MON1A: variants seen among roughly 807,000 people sequenced by gnomAD.
The protein encoded by MON1A is MON1 vesicular trafficking associated A, also known as vacuolar fusion protein MON1 homolog A.
Under a neutral mutation model 44.6 loss-of-function variants are expected in MON1A, and 29 were observed. The observed-to-expected ratio is 0.65, with a 90% confidence interval of 0.48 to 0.89. The LOEUF is 0.89. Among genes scored for constraint, MON1A ranks in the 40% least tolerant of loss-of-function variants. The pLI, the probability that MON1A is intolerant of heterozygous loss-of-function variation, is 0.00. For missense variants in MON1A, 615 were observed against 759.6 expected (o/e 0.81, Z 2.24); for synonymous variants, 275 against 316.4 (o/e 0.87, Z 1.39).
chr3:49,922,146 AAAAAG>A (rs1232188757), intron 1 of MON1A, among the ~76,000 whole-genome samples: 51 of 148,702 alleles, frequency 3.4e-4, no homozygotes, highest in East Asian at 1.2e-3. Context: ...TCAAAAAAAA[AAAAAG>A]AAAGAAAGAA....
At chr3:49,918,417 CT>C (rs530137835) in intron 1 of MON1A, among the ~76,000 whole-genome samples, 3,053 of 145,464 alleles carry the variant, frequency 0.021, 47 homozygotes, top group Non-Finnish European at 0.033. Context: ...GGCCTTCCCT[CT>C]TTTTTTTTTT....
Position 49,910,490 on chromosome 3 carries a change from C to A in MON1A, c.1008G>T (p.Lys336Asn). 1 of 1,614,090 alleles carries A rather than the reference C, an allele frequency of 6.2e-7. No homozygotes were observed. Among genetic ancestry groups the A allele is most frequent in the Non-Finnish European group, 8.5e-7 (1 of 1,179,964 alleles). Residue 336 changes from lysine to asparagine, a missense_variant, in exon 4 of 6, where the codon AAG becomes AAT. Coordinates refer to ENST00000296473, the MANE Select transcript of MON1A (RefSeq NM_032355.4). The surrounding 1 kb of genome is among the most constrained non-coding windows in gnomAD (Gnocchi z 8.0). The part of the protein sequence containing the change: ...RNQLVALVRR[K>N]DQFLHPIDLH... ...GGTCGATGGGGTGCAGAAATTGGTC[C>A]TTTCGGCGCACGAGTGCCACGAGCT...
chr3:49,912,387 C>A (rs1050780290), intron 2 of MON1A: 7 of 194,980 alleles, frequency 3.6e-5, no homozygotes, highest in Non-Finnish European at 6.2e-5. Flanking sequence ...TCAGCTGTCT[C>A]CTACCTCCCC....
At chr3:49,926,538 C>G (rs1479889702) in intron 1 of MON1A, among the ~76,000 whole-genome samples, 1 of 152,034 alleles carries the variant, frequency 6.6e-6, no homozygotes, top group Admixed American at 6.6e-5. Context: ...CTAACTGTAG[C>G]CCTGGCCTCT....
rs747631818 is a variant in MON1A at position 49,910,594 on chromosome 3, C to A, written c.904G>T (p.Val302Leu). 1 of 1,603,276 alleles carries A rather than the reference C, an allele frequency of 6.2e-7. No individual in the cohort carries two copies. Among genetic ancestry groups the A allele is most frequent in the East Asian group, 2.3e-5 (1 of 44,370 alleles). The stretch of plus-strand genomic sequence containing the variant: ...AGGCTGGCGCTCACAGTGTCGCGCA[C>A]GGCCGCCGCCAGGGGCAGGCACCGT... The part of the protein sequence containing the change: ...AARCLPLAAA[V>L]RDTVSASLQQ... Residue 302 changes from valine to leucine, a missense_variant, in exon 4 of 6, where the codon GTG becomes TTG. Coordinates refer to ENST00000296473, the MANE Select transcript of MON1A (RefSeq NM_032355.4). The surrounding 1 kb of genome is among the most constrained non-coding windows in gnomAD (Gnocchi z 8.0).
chr3:49,919,765 G>A (rs1310581123), intron 1 of MON1A, among the ~76,000 whole-genome samples: 1 of 152,144 alleles, frequency 6.6e-6, no homozygotes, highest in Non-Finnish European at 1.5e-5. Flanking sequence ...GTACAGGCAT[G>A]AGCCACCGCA....
chr3:49,914,763 G>A (rs1003213855), intron 1 of MON1A, among the ~76,000 whole-genome samples: 8 of 149,376 alleles, frequency 5.4e-5, no homozygotes, highest in African/African-American at 2.0e-4. Context: ...GGCTAGGTTG[G>A]TCTTGAACTC....
Position 49,908,971 on chromosome 3 carries a change from A to T in MON1A, c.*43T>A, listed in dbSNP as rs752328475. 2 of 1,563,044 alleles carry T rather than the reference A, an allele frequency of 1.3e-6. No individual in the cohort carries two copies. Among genetic ancestry groups the T allele is most frequent in the South Asian group, 2.4e-5 (2 of 84,530 alleles). On this transcript the variant is annotated 3_prime_UTR_variant, in exon 6 of 6. Coordinates refer to ENST00000296473, the MANE Select transcript of MON1A (RefSeq NM_032355.4). ...CATCTGGAGGCTCCTATGGCTTCCC[A>T]CACCTAGTGTGTCCAGGAAGGCTGA...
At chr3:49,919,747 T>C (rs1286515802) in intron 1 of MON1A, among the ~76,000 whole-genome samples, 2 of 152,092 alleles carry the variant, frequency 1.3e-5, no homozygotes, top group African/African-American at 4.8e-5. Flanking sequence ...GGATCCAAAG[T>C]GCTGGGAGTA....
chr3:49,913,993 AG>A (rs1334059033), intron 1 of MON1A, among the ~76,000 whole-genome samples: 1 of 151,758 alleles, frequency 6.6e-6, no homozygotes, highest in Non-Finnish European at 1.5e-5. Context: ...GCACCAACAC[AG>A]CTCACTGCAG....
At chr3:49,924,310 C>T (rs1169511123) in intron 1 of MON1A, among the ~76,000 whole-genome samples, 1 of 152,182 alleles carries the variant, frequency 6.6e-6, no homozygotes, top group African/African-American at 2.4e-5. Context: ...TCCTCAACTC[C>T]TGCTATGCGA....
intron 1 of MON1A, among the ~76,000 whole-genome samples, chr3:49,921,400 C>T (rs1305729562): frequency 2.0e-5 from 3 of 150,678 alleles, no homozygotes; most frequent in African/African-American, 7.3e-5. Context: ...CCTCATGATC[C>T]GCCTGCCTCA....
Position 49,909,164 on chromosome 3 carries a change from G to C in MON1A, c.1528-10C>G, listed in dbSNP as rs978098596. Reference sequence around the variant, plus strand: ...CAAAGGCGCCTGTCACCTGGAGAAGGGGCAAAGGGTCGTCATCTAGGTTAG... The same window carrying C: ...CAAAGGCGCCTGTCACCTGGAGAAGCGGCAAAGGGTCGTCATCTAGGTTAG... On this transcript the variant is annotated splice_polypyrimidine_tract_variant and intron_variant, in intron 5 of 5. Transcript: ENST00000296473. This position sits in a 1 kb window ranked among gnomAD's most constrained non-coding sequence, Gnocchi z 4.0. 2 of 1,609,782 alleles carry C rather than the reference G, an allele frequency of 1.2e-6. No individual in the cohort carries two copies. The highest frequency in any genetic ancestry group is 3.4e-5 in the Admixed American group (2 of 59,678).
chr3:49,915,191 A>C (rs547413192), intron 1 of MON1A, among the ~76,000 whole-genome samples: 1 of 152,340 alleles, frequency 6.6e-6, no homozygotes, highest in East Asian at 1.9e-4. Context: ...AGCTTGCCCA[A>C]TGTTACTACA....
intron 1 of MON1A, chr3:49,929,275 C>T (rs1465287025): frequency 2.5e-6 from 1 of 405,940 alleles, no homozygotes; most frequent in African/African-American, 2.1e-5. Context: ...CCGCTCATCC[C>T]AGTTACCTCT....
chr3:49,910,598 C>G lies in MON1A; in HGVS notation c.900G>C (p.Ala300=). The G allele has an allele frequency of 6.2e-7, 1 of 1,603,720 alleles. No individual in the cohort carries two copies. The highest frequency in any genetic ancestry group is 8.5e-7 in the Non-Finnish European group (1 of 1,174,640). ...TGGCGCTCACAGTGTCGCGCACGGC[C>G]GCCGCCAGGGGCAGGCACCGTGCCG... ...MGAARCLPLA[A]AVRDTVSASL... The change falls in exon 4 of 6, where the codon GCG becomes GCC. Residue 300 remains alanine (A), a synonymous_variant. Coordinates refer to ENST00000296473, the MANE Select transcript of MON1A (RefSeq NM_032355.4). This position sits in a 1 kb window ranked among gnomAD's most constrained non-coding sequence, Gnocchi z 8.0.
At chr3:49,924,378 T>G (rs2083031425) in intron 1 of MON1A, among the ~76,000 whole-genome samples, 2 of 152,104 alleles carry the variant, frequency 1.3e-5, no homozygotes, top group Non-Finnish European at 2.9e-5. Flanking sequence ...AATAGGACAC[T>G]GTGTAAATAA....
Position 49,909,140 on chromosome 3 carries a change from A to G in MON1A, c.1542T>C (p.Phe514=). Residue 514 remains phenylalanine, a synonymous_variant, in exon 6 of 6, where the codon TTT becomes TTC. Coordinates refer to ENST00000296473, the MANE Select transcript of MON1A (RefSeq NM_032355.4). This position sits in a 1 kb window ranked among gnomAD's most constrained non-coding sequence, Gnocchi z 4.0. ...ENLLAWVTGA[F]ELYMCYSPLG... The stretch of plus-strand genomic sequence containing the variant: ...GGGGGCTGTAACACATGTAGAGCTC[A>G]AAGGCGCCTGTCACCTGGAGAAGGG... 1 of 1,610,510 alleles carries G rather than the reference A, an allele frequency of 6.2e-7. No individual in the cohort carries two copies. Among genetic ancestry groups the G allele is most frequent in the South Asian group, 1.1e-5 (1 of 90,948 alleles).
In MON1A at chr3:49,911,458, G is replaced by T. The variant is rs80103510; in HGVS notation, c.613+68C>A. 1.3e-6 allele frequency: 2 copies of T among 1,542,788 alleles called. No homozygotes were observed. Among genetic ancestry groups the T allele is most frequent in the East Asian group, 2.3e-5 (1 of 44,420 alleles). ...CATCCCAGCCCTCTGGTCTGCAGGG[G>T]TCCAAAACCTGCTATGAATGAACCT... On this transcript the variant is annotated intron_variant, in intron 3 of 5. Transcript: ENST00000296473. This position sits in a 1 kb window ranked among gnomAD's most constrained non-coding sequence, Gnocchi z 5.7.
Sources: allele counts gnomAD v4.1 joint callset (sites outside exome capture counted in the v4.1 genomes callset), GRCh38; gene constraint gnomAD v4.1.1; non-coding constraint Gnocchi (gnomAD v3.1); transcripts MANE v1.5; gene names NCBI Gene and HGNC (gene_info 2026-07-23, HGNC 2026-07-21).